TENM2: variants seen among roughly 807,000 people sequenced by gnomAD.
TENM2 encodes teneurin transmembrane protein 2.
A neutral mutation model predicts 245.2 loss-of-function variants in TENM2; 52 were observed. The observed-to-expected ratio is 0.21, with a 90% CI of 0.17 to 0.27. The LOEUF (loss-of-function observed/expected upper bound fraction) is 0.27, where lower values mean the gene tolerates loss of function less well. TENM2 is among the 10% of genes least tolerant of loss of function. TENM2 has a pLI of 1.00. For synonymous variants in TENM2, 1,363 were observed against 1,438.9 expected (o/e 0.95, Z 1.19); for missense variants, 3,046 against 3,666.8 (o/e 0.83, Z 4.37).
At chr5:167,523,545 T>C (rs73365588) in intron 2 of TENM2, among the ~76,000 whole-genome samples, 4,657 of 152,182 alleles carry the variant, frequency 0.031, 151 homozygotes, top group African/African-American at 0.082. Context: ...CGTGTTTATG[T>C]GTAAAATCCC....
intron 25 of TENM2, among the ~76,000 whole-genome samples, chr5:168,232,030 T>G (rs1278348506): frequency 6.6e-6 from 1 of 151,358 alleles, no homozygotes. Context: ...TCATGCCCTG[T>G]ACTCCAGCCT....
intron 3 of TENM2, among the ~76,000 whole-genome samples, chr5:167,907,521 CTAAATATATA>C (rs1561921009): frequency 1.2e-5 from 1 of 81,506 alleles, no homozygotes; most frequent in East Asian, 3.9e-4. Flanking sequence ...TTAGATCACC[CTAAATATATA>C]TATATATATA....
chr5:168,131,655 T>C (rs892273891), intron 12 of TENM2, among the ~76,000 whole-genome samples: 1 of 152,228 alleles, frequency 6.6e-6, no homozygotes, highest in African/African-American at 2.4e-5. Flanking sequence ...AAGAAAGTGA[T>C]TGTCAGAATT....
intron 9 of TENM2, among the ~76,000 whole-genome samples, chr5:168,108,810 A>T (rs927000181): frequency 1.3e-5 from 2 of 152,080 alleles, no homozygotes; most frequent in Non-Finnish European, 2.9e-5. Context: ...GCTCTGTCTC[A>T]CAATATGCTC....
At chr5:167,778,018 G>A (rs1423181735) in intron 2 of TENM2, among the ~76,000 whole-genome samples, 3 of 152,160 alleles carry the variant, frequency 2.0e-5, no homozygotes, top group Non-Finnish European at 2.9e-5. Flanking sequence ...CTTCCTTGCT[G>A]CCACAGTGGA....
chr5:167,974,021 G>GGA (rs1782027493), intron 4 of TENM2, among the ~76,000 whole-genome samples: 1 of 64,242 alleles, frequency 1.6e-5, no homozygotes, highest in South Asian at 1.0e-3. Flanking sequence ...GGGAGGGAGG[G>GGA]AGGAAGGAAG....
chr5:167,516,343 CAA>C (rs1411296981), intron 2 of TENM2, among the ~76,000 whole-genome samples: 2 of 152,032 alleles, frequency 1.3e-5, no homozygotes, highest in Admixed American at 1.3e-4. Context: ...TAATGAAAAA[CAA>C]AGAGTGGAAA....
intron 2 of TENM2, among the ~76,000 whole-genome samples, chr5:167,413,254 A>G (rs1234392562): frequency 2.0e-5 from 3 of 152,102 alleles, no homozygotes; most frequent in African/African-American, 7.2e-5. Flanking sequence ...CATTGTTTCA[A>G]GGAGGTAATG....
At chr5:167,929,686 A>G (rs957824894) in intron 3 of TENM2, among the ~76,000 whole-genome samples, 3 of 152,142 alleles carry the variant, frequency 2.0e-5, no homozygotes, top group African/African-American at 7.2e-5. Flanking sequence ...ATGGCTTGTC[A>G]AAGAAGTGGA....
intron 2 of TENM2, among the ~76,000 whole-genome samples, chr5:167,385,174 G>T (rs1040315754): frequency 6.6e-6 from 1 of 152,114 alleles, no homozygotes; most frequent in Admixed American, 6.5e-5. Context: ...GTAGGTGAAC[G>T]TTGGCTAGAA....
intron 2 of TENM2, among the ~76,000 whole-genome samples, chr5:167,551,015 C>T (rs755432936): frequency 6.6e-6 from 1 of 152,102 alleles, no homozygotes; most frequent in East Asian, 1.9e-4. Flanking sequence ...AGGCGTGAGC[C>T]ACCATGCCCA....
intron 5 of TENM2, among the ~76,000 whole-genome samples, chr5:168,018,841 G>C (rs150486284): frequency 6.6e-6 from 1 of 152,120 alleles, no homozygotes; most frequent in African/African-American, 2.4e-5. Flanking sequence ...GCAGAAATGG[G>C]TGACTGAGGT....
chr5:167,254,131 C>T, the TENM2 span, among the ~76,000 whole-genome samples: 2 of 151,996 alleles, frequency 1.3e-5, no homozygotes, highest in Non-Finnish European at 2.9e-5. Flanking sequence ...ACCCTTTACA[C>T]TCATAAAGAC....
At chr5:167,097,966 T>C in the TENM2 span, among the ~76,000 whole-genome samples, 1 of 152,180 alleles carries the variant, frequency 6.6e-6, no homozygotes, top group Non-Finnish European at 1.5e-5. Context: ...GTGACAATAT[T>C]AGAATGATGT....
chr5:168,167,244 G>A (rs918266858), intron 13 of TENM2, among the ~76,000 whole-genome samples: 6 of 152,160 alleles, frequency 3.9e-5, no homozygotes, highest in African/African-American at 1.4e-4. Flanking sequence ...AGACAGAGGT[G>A]TGAGATTTAG....
At chr5:167,661,510 T>A (rs772485072) in intron 2 of TENM2, among the ~76,000 whole-genome samples, 5 of 152,220 alleles carry the variant, frequency 3.3e-5, no homozygotes, top group Non-Finnish European at 7.3e-5. Context: ...CTGGTGCCAC[T>A]TGAGTGATGT....
At chr5:167,004,850 G>T in the TENM2 span, among the ~76,000 whole-genome samples, 1 of 152,140 alleles carries the variant, frequency 6.6e-6, no homozygotes, top group Admixed American at 6.5e-5. Context: ...GAAGGATTGT[G>T]GGAAGGAAGC....
intron 3 of TENM2, among the ~76,000 whole-genome samples, chr5:167,949,575 T>G (rs1242611820): frequency 6.6e-6 from 1 of 152,180 alleles, no homozygotes; most frequent in African/African-American, 2.4e-5. Context: ...CATTCATCCT[T>G]CCTCTCTAAC....
intron 5 of TENM2, among the ~76,000 whole-genome samples, chr5:168,041,957 C>T (rs1562087838): frequency 6.6e-6 from 1 of 152,204 alleles, no homozygotes; most frequent in Admixed American, 6.5e-5. Context: ...TCAGGGTAAG[C>T]AGTTGTGCAT....
Sources: gnomAD v4.1 joint callset for allele counts (sites outside exome capture counted in the v4.1 genomes callset) on GRCh38, gnomAD v4.1.1 for gene constraint, MANE v1.5 for transcripts, NCBI Gene and HGNC (gene_info 2026-07-23, HGNC 2026-07-21) for gene names.